FREM2: variants seen among roughly 807,000 people sequenced by gnomAD.
FREM2 encodes FRAS1 related extracellular matrix 2, also known as FRAS1-related extracellular matrix protein 2.
FREM2 carries 119 observed loss-of-function variants against 219.9 expected under a neutral mutation model. That is an observed-to-expected ratio of 0.54 (90% CI 0.47 to 0.63). FREM2 has a LOEUF of 0.63. Among genes scored for constraint, FREM2 ranks in the 30% least tolerant of loss-of-function variants. The pLI is 0.00. For synonymous variants in FREM2, 1,562 were observed against 1,522.8 expected (o/e 1.03, Z -0.60); for missense variants, 4,030 against 3,993.6 (o/e 1.01, Z -0.25).
At chr13:38,776,570 A>G (rs1873876279) in intron 4 of FREM2, among the ~76,000 whole-genome samples, 1 of 152,208 alleles carries the variant, frequency 6.6e-6, no homozygotes, top group South Asian at 2.1e-4. Flanking sequence ...TCATTACAAT[A>G]TAGTCACATG....
chr13:38,799,845 T>A (rs1341476776), intron 6 of FREM2, among the ~76,000 whole-genome samples: 1 of 152,130 alleles, frequency 6.6e-6, no homozygotes, highest in East Asian at 1.9e-4. Flanking sequence ...CACTTTATTT[T>A]GAATCTATAT....
intron 2 of FREM2, among the ~76,000 whole-genome samples, chr13:38,762,748 A>G (rs1169552770): frequency 6.6e-6 from 1 of 152,170 alleles, no homozygotes; most frequent in Non-Finnish European, 1.5e-5. Flanking sequence ...ATCTATTTAT[A>G]TTTTATAGTT....
Position 38,877,232 on chromosome 13 carries a change from C to G in FREM2, c.8660C>G (p.Ala2887Gly), listed in dbSNP as rs1260772295. The G allele has an allele frequency of 6.2e-7, 1 of 1,613,980 alleles. No individual in the cohort carries two copies. Among genetic ancestry groups the G allele is most frequent in the East Asian group, 2.2e-5 (1 of 44,874 alleles). ...GGATTCGGGCAAGAGAGTGATGTTG[C>G]TTTTGCAGAAGGTATCACTTTACAA... ...SMGFGQESDV[A>G]FAEGDIIYGR... is the part of the protein sequence containing the mutation. The change falls in exon 21 of 24, where the codon GCT (alanine) becomes GGT (glycine). Residue 2887 changes from alanine (A) to glycine (G), a missense_variant. Around this residue, in one of 2 missense-constraint regions of FREM2, gnomAD observed 928 missense variants for 1,042.9 expected, o/e 0.89. Coordinates refer to ENST00000280481, the MANE Select transcript of FREM2 (RefSeq NM_207361.6).
At chr13:38,705,587 A>G (rs1466046349) in intron 2 of FREM2, among the ~76,000 whole-genome samples, 2 of 152,212 alleles carry the variant, frequency 1.3e-5, no homozygotes, top group African/African-American at 4.8e-5. Flanking sequence ...CAAGTGACCG[A>G]GACTTCCTCA....
intron 16 of FREM2, among the ~76,000 whole-genome samples, chr13:38,872,136 G>C (rs904705120): frequency 6.6e-6 from 1 of 152,138 alleles, no homozygotes; most frequent in Non-Finnish European, 1.5e-5. Context: ...ATTAAGTATT[G>C]AAACGTGCTC....
chr13:38,719,874 T>C (rs1326399420), intron 2 of FREM2, among the ~76,000 whole-genome samples: 1 of 152,132 alleles, frequency 6.6e-6, no homozygotes, highest in African/African-American at 2.4e-5. Flanking sequence ...AAACACAGGT[T>C]CTCCTTTGCA....
At chr13:38,699,362 G>A (rs903640092) in intron 2 of FREM2, among the ~76,000 whole-genome samples, 5 of 152,092 alleles carry the variant, frequency 3.3e-5, no homozygotes, top group African/African-American at 7.2e-5. Flanking sequence ...TGGAATGGTA[G>A]CATTTACTTT....
intron 6 of FREM2, among the ~76,000 whole-genome samples, chr13:38,829,623 A>G (rs1361097950): frequency 6.6e-6 from 1 of 151,844 alleles, no homozygotes; most frequent in Non-Finnish European, 1.5e-5. Flanking sequence ...TGGAGACCTC[A>G]GTAAAATGTA....
rs760949736 is a variant in FREM2, at chr13:38,769,675, A to G, written c.5508A>G (p.Thr1836=). ...VQFNPGQTRA[T]WRVRILSDGE... is the part of the protein sequence containing the mutation. ...TCAACCCAGGCCAGACCAGGGCCACATGGCGAGTGCGGATCCTGAGTGATG... is the reference window on the plus strand; with the variant it reads ...TCAACCCAGGCCAGACCAGGGCCACGTGGCGAGTGCGGATCCTGAGTGATG... Residue 1836 remains threonine, a synonymous_variant, in exon 4 of 24, where the codon ACA becomes ACG. Coordinates refer to ENST00000280481, the MANE Select transcript of FREM2 (RefSeq NM_207361.6). The G allele has an allele frequency of 5.0e-6, 8 of 1,614,050 alleles. No homozygotes were observed. In the Admixed American group the frequency reaches 6.7e-5, roughly 13 times the overall value.
At position 38,690,938 on chromosome 13, in the gene FREM2, T is replaced by C; in HGVS notation, c.3594T>C (p.Phe1198=). The C allele has an allele frequency of 6.2e-7, 1 of 1,614,162 alleles. No individual in the cohort carries two copies. The highest frequency in any genetic ancestry group is 8.5e-7 in the Non-Finnish European group (1 of 1,180,018). ...DEQPEMFMRE[F]MVMEGMSLVI... ...AGCCAGAGATGTTTATGAGAGAATT[T>C]ATGGTGATGGAAGGCATGAGTCTGG... Residue 1198 remains phenylalanine, a synonymous_variant, in exon 1 of 24, where the codon TTT becomes TTC. Transcript: ENST00000280481.
chr13:38,813,855 T>A (rs1357471017), intron 6 of FREM2, among the ~76,000 whole-genome samples: 4 of 151,876 alleles, frequency 2.6e-5, no homozygotes, highest in Admixed American at 1.3e-4. Context: ...TTGAGGGTCT[T>A]TTCTAGATCT....
At chr13:38,727,977 C>A (rs1003404778) in intron 2 of FREM2, among the ~76,000 whole-genome samples, 1 of 152,160 alleles carries the variant, frequency 6.6e-6, no homozygotes, top group Non-Finnish European at 1.5e-5. Flanking sequence ...CCAGAATTTT[C>A]AGGTAAGCTA....
chr13:38,731,792 G>A (rs926707619), intron 2 of FREM2, among the ~76,000 whole-genome samples: 29 of 152,170 alleles, frequency 1.9e-4, no homozygotes, highest in African/African-American at 6.8e-4. Context: ...TTTGCCCCAA[G>A]TAGAATGATT....
rs182682365 is a variant in FREM2, at chr13:38,755,326, G to A, written c.5264-8978G>A. On this transcript the variant is annotated intron_variant, in intron 2 of 23. Coordinates refer to ENST00000280481, the MANE Select transcript of FREM2 (RefSeq NM_207361.6). ...CACAGCTATGCCCAACTCCCCCATA[G>A]GAGGAACCCTCCCTGTGGCCCCAGG... Among the ~76,000 whole-genome samples the A allele has an allele frequency of 9.2e-5, 14 of 152,184 alleles. No individual in the cohort carries two copies. In the East Asian group the frequency reaches 2.7e-3, roughly 29 times the overall value.
intron 2 of FREM2, among the ~76,000 whole-genome samples, chr13:38,723,982 C>T (rs776236890): frequency 2.6e-5 from 4 of 152,162 alleles, no homozygotes; most frequent in Admixed American, 6.5e-5. Flanking sequence ...CTCTGCAGCC[C>T]GTGTTCTTAC....
At chr13:38,825,060 A>G (rs1876226330) in intron 6 of FREM2, among the ~76,000 whole-genome samples, 1 of 152,116 alleles carries the variant, frequency 6.6e-6, no homozygotes. Flanking sequence ...AGATGGTTTC[A>G]ATAATACTGT....
At chr13:38,863,820 A>G (rs115177615) in intron 15 of FREM2, among the ~76,000 whole-genome samples, 1,935 of 151,734 alleles carry the variant, frequency 0.013, 49 homozygotes, top group African/African-American at 0.044. Context: ...CCACTTTTTT[A>G]TTTTTTTGTT....
At chr13:38,755,468 A>G (rs1872959816) in intron 2 of FREM2, among the ~76,000 whole-genome samples, 1 of 152,202 alleles carries the variant, frequency 6.6e-6, no homozygotes, top group Non-Finnish European at 1.5e-5. Context: ...AGACTAATTA[A>G]GCATCTCTTT....
chr13:38,860,014 A>G (rs2137921132), intron 14 of FREM2, among the ~76,000 whole-genome samples: 1 of 152,280 alleles, frequency 6.6e-6, no homozygotes, highest in South Asian at 2.1e-4. Flanking sequence ...AACAAGCATG[A>G]GCAACAACTC....
Sources: gnomAD v4.1 joint callset for allele counts (sites outside exome capture counted in the v4.1 genomes callset) on GRCh38, gnomAD v4.1.1 for gene constraint, gnomAD v4.1.1 regional missense constraint, MANE v1.5 for transcripts, NCBI Gene and HGNC (gene_info 2026-07-23, HGNC 2026-07-21) for gene names.